The following SLC38A4 variants were observed in gnomAD, a reference collection of about 807,000 sequenced individuals.
SLC38A4 encodes solute carrier family 38 member 4.
In SLC38A4, 20 loss-of-function variants were observed where a neutral mutation model predicts 63.1. That is an observed-to-expected ratio of 0.32 (90% CI 0.22 to 0.46). SLC38A4 has a LOEUF of 0.46. Among genes scored for constraint, SLC38A4 ranks in the 20% least tolerant of loss-of-function variants. The pLI is 1.00. For missense variants in SLC38A4, 526 were observed against 663.6 expected, an observed-to-expected ratio of 0.79 and a Z score of 2.28; for synonymous variants, 230 against 225.5, an observed-to-expected ratio of 1.02 and a Z score of -0.18.
At position 46,766,441 on chromosome 12, in the gene SLC38A4, C is replaced by G. The variant is rs909729439; in HGVS notation, c.*260G>C. On this transcript the variant is annotated 3_prime_UTR_variant, in exon 17 of 17. Transcript: ENST00000266579. ...CTGCTCGTAAAGCAGCAAAAATACA[C>G]CTTCATCATCTCACACTGCTCTAGC... The G allele has an allele frequency of 1.7e-6, 1 of 577,222 alleles. No homozygotes were observed. Among genetic ancestry groups the G allele is most frequent in the South Asian group, 1.5e-5 (1 of 65,668 alleles). 35.8% of individuals were successfully genotyped at this position (577,222 alleles called of 1,614,324 possible).
At chr12:46,768,524 A>G (rs1238197054) in intron 15 of SLC38A4, 117 bp from the exon 16 acceptor site, 1 of 563,318 alleles carries the variant, frequency 1.8e-6, no homozygotes, top group African/African-American at 1.9e-5. Flanking sequence ...TTAGCACTAA[A>G]AACACACACT....
intron 1 of SLC38A4, among the ~76,000 whole-genome samples, chr12:46,808,115 T>C (rs966184214): frequency 2.0e-5 from 3 of 151,980 alleles, no homozygotes; most frequent in African/African-American, 7.2e-5. Context: ...CAAAACAACA[T>C]CTTAACACAC....
rs150492267 is a variant in SLC38A4, at chr12:46,776,997, G to A, written c.1081C>T (p.Arg361Trp). Residue 361 changes from arginine to tryptophan, a missense_variant, in exon 13 of 17, where the codon CGG becomes TGG. Coordinates refer to ENST00000266579, the MANE Select transcript of SLC38A4 (RefSeq NM_018018.5). Reference sequence around the variant, plus strand: ...TTTGACACCGTTTGCATTTTTCTCCGGGACCGACTGGAAAAAGAAAGAACA... The same window carrying A: ...TTTGACACCGTTTGCATTTTTCTCCAGGACCGACTGGAAAAAGAAAGAACA... ...PIYSELKDRS[R>W]RKMQTVSNIS... The A allele has an allele frequency of 4.0e-5, 64 of 1,609,692 alleles. No homozygotes were observed. Among genetic ancestry groups the A allele is most frequent in the Admixed American group, 3.4e-5 (2 of 59,538 alleles).
intron 1 of SLC38A4, among the ~76,000 whole-genome samples, chr12:46,818,379 A>G (rs1309472736): frequency 1.3e-5 from 2 of 151,870 alleles, no homozygotes; most frequent in African/African-American, 4.8e-5. Flanking sequence ...TATTATTTAT[A>G]TGCTGATTAT....
chr12:46,810,545 AAAAT>A (rs917649348), intron 1 of SLC38A4, among the ~76,000 whole-genome samples: 19 of 151,604 alleles, frequency 1.3e-4, no homozygotes, highest in African/African-American at 3.9e-4. Context: ...TATAATATAA[AAAAT>A]AAATAAATAA....
Position 46,778,339 on chromosome 12 carries a change from A to C in SLC38A4, c.1023T>G (p.Phe341Leu). The change falls in exon 12 of 17, where the codon TTT becomes TTG. Residue 341 changes from phenylalanine (F) to leucine (L), a missense_variant. Transcript: ENST00000266579. The part of the protein sequence containing the change: ...RTAYAIPILV[F>L]AFVCHPEVLP... ...GGACCTCAGGGTGGCATACAAAAGCAAATACTAGGATAGGAATTGCATAGG... is the reference window on the plus strand; with the variant it reads ...GGACCTCAGGGTGGCATACAAAAGCCAATACTAGGATAGGAATTGCATAGG... 6.2e-7 allele frequency: 1 copy of C among 1,612,814 alleles called. No individual in the cohort carries two copies. The highest frequency in any genetic ancestry group is 8.5e-7 in the Non-Finnish European group (1 of 1,179,210).
intron 1 of SLC38A4, among the ~76,000 whole-genome samples, chr12:46,815,284 T>TATATACAC (rs1555173035): frequency 4.8e-5 from 4 of 82,972 alleles, no homozygotes; most frequent in Admixed American, 1.5e-4. Context: ...TATATATATA[T>TATATACAC]ACACACACAC....
At chr12:46,787,548 G>T (rs1354819230) in intron 5 of SLC38A4, among the ~76,000 whole-genome samples, 1 of 152,120 alleles carries the variant, frequency 6.6e-6, no homozygotes, top group African/African-American at 2.4e-5. Flanking sequence ...TGTCGCACAG[G>T]GGTACAGGGA....
Position 46,768,364 on chromosome 12 carries a change from A to T in SLC38A4, c.1488T>A (p.Val496=). 6.2e-7 allele frequency: 1 copy of T among 1,611,702 alleles called. No homozygotes were observed. The highest frequency in any genetic ancestry group is 8.5e-7 in the Non-Finnish European group (1 of 1,178,582). The change falls in exon 16 of 17, where the codon GTT becomes GTA. Residue 496 remains valine, a synonymous_variant. Transcript: ENST00000266579. ...ATMLIFILPA[V]FYLKLVKKET... ...CTTTCTTGACAAGTTTAAGATAAAAAACTGCTGGAAGAATAAAAATCAGCA... is the reference window on the plus strand; with the variant it reads ...CTTTCTTGACAAGTTTAAGATAAAATACTGCTGGAAGAATAAAAATCAGCA...
At chr12:46,831,652 A>T (rs1939732917) in intron 1 of SLC38A4, among the ~76,000 whole-genome samples, 1 of 152,198 alleles carries the variant, frequency 6.6e-6, no homozygotes, top group Non-Finnish European at 1.5e-5. Context: ...GGGGCTCCCC[A>T]GGTCAGAGTA....
At chr12:46,798,542 A>C (rs1016951986) in intron 2 of SLC38A4, among the ~76,000 whole-genome samples, 1 of 152,120 alleles carries the variant, frequency 6.6e-6, no homozygotes, top group Non-Finnish European at 1.5e-5. Flanking sequence ...TTCTCTGAAG[A>C]AGGAGCAGCA....
chr12:46,793,658 A>G (rs769584294), intron 2 of SLC38A4, among the ~76,000 whole-genome samples: 1 of 152,194 alleles, frequency 6.6e-6, no homozygotes, highest in African/African-American at 2.4e-5. Flanking sequence ...ACATGAAAGA[A>G]TTAACACCAC....
intron 7 of SLC38A4, among the ~76,000 whole-genome samples, chr12:46,780,790 C>T (rs1260791888): frequency 6.6e-6 from 1 of 151,942 alleles, no homozygotes; most frequent in Non-Finnish European, 1.5e-5. Context: ...ATATACATAA[C>T]ATTACAATTT....
chr12:46,799,954 A>AT (rs1395240719), intron 2 of SLC38A4, among the ~76,000 whole-genome samples: 2 of 152,268 alleles, frequency 1.3e-5, no homozygotes, highest in Admixed American at 1.3e-4. Context: ...TATAATTAAC[A>AT]TTTTTTACCT....
intron 1 of SLC38A4, among the ~76,000 whole-genome samples, chr12:46,821,872 C>A (rs537902756): frequency 2.0e-5 from 3 of 152,034 alleles, no homozygotes; most frequent in Admixed American, 6.6e-5. Flanking sequence ...TTTCATTTAC[C>A]TTTTATAGTT....
intron 1 of SLC38A4, among the ~76,000 whole-genome samples, chr12:46,808,851 TATA>T (rs775398792): frequency 2.0e-5 from 3 of 152,078 alleles, no homozygotes; most frequent in African/African-American, 4.8e-5. Flanking sequence ...GATGTATAAT[TATA>T]ATAAGTATAA....
At chr12:46,780,292 C>G (rs570966040) in intron 7 of SLC38A4, among the ~76,000 whole-genome samples, 28 of 151,960 alleles carry the variant, frequency 1.8e-4, no homozygotes, top group Non-Finnish European at 3.5e-4. Context: ...AGCTGCAGTT[C>G]TAAGGTTCTG....
chr12:46,821,265 T>C (rs757157386), intron 1 of SLC38A4, among the ~76,000 whole-genome samples: 69 of 152,096 alleles, frequency 4.5e-4, no homozygotes, highest in Non-Finnish European at 5.7e-4. Flanking sequence ...TTTCCCTATG[T>C]TTTATCCTAG....
chr12:46,787,847 T>G, intron 5 of SLC38A4, 69 bp downstream of exon 5: 1 of 1,102,266 alleles, frequency 9.1e-7, no homozygotes, highest in Non-Finnish European at 1.3e-6. Context: ...AACTTGAGAT[T>G]GTTAATTGAA....
Sources: allele counts gnomAD v4.1 joint callset (sites outside exome capture counted in the v4.1 genomes callset), GRCh38; gene constraint gnomAD v4.1.1; transcripts MANE v1.5; gene names NCBI Gene and HGNC (gene_info 2026-07-23, HGNC 2026-07-21).